DPY19L4: variants seen among roughly 807,000 people sequenced by gnomAD.
The protein encoded by DPY19L4 is dpy-19 like 4, also known as probable C-mannosyltransferase DPY19L4.
Under a neutral mutation model 102.8 loss-of-function variants are expected in DPY19L4, and 97 were observed. The observed-to-expected ratio is 0.94, with a 90% CI of 0.80 to 1.12. The LOEUF (loss-of-function observed/expected upper bound fraction) is 1.12. DPY19L4 is among the 50% of genes most tolerant of loss of function. The pLI is 0.00. For synonymous variants in DPY19L4, 252 were observed against 283.1 expected (o/e 0.89, Z 1.10); for missense variants, 815 against 850.4 (o/e 0.96, Z 0.52).
intron 1 of DPY19L4, chr8:94,720,325 G>A: frequency 1.1e-6 from 1 of 937,828 alleles, no homozygotes; most frequent in African/African-American, 1.8e-5. Context: ...CAGATTCTTG[G>A]TGAAGTGGGA....
At chr8:94,729,277 C>G (rs1810827978) in intron 2 of DPY19L4, among the ~76,000 whole-genome samples, 1 of 151,868 alleles carries the variant, frequency 6.6e-6, no homozygotes, top group South Asian at 2.1e-4. Flanking sequence ...GAGGCTGAGA[C>G]AGGAGAATCG....
intron 6 of DPY19L4, among the ~76,000 whole-genome samples, chr8:94,748,476 A>G (rs147744990): frequency 2.0e-5 from 3 of 152,072 alleles, no homozygotes; most frequent in African/African-American, 4.8e-5. Flanking sequence ...TTTCAAAAAA[A>G]TTTTTTGGGA....
At chr8:94,737,800 A>G (rs1226744985) in intron 3 of DPY19L4, among the ~76,000 whole-genome samples, 1 of 151,690 alleles carries the variant, frequency 6.6e-6, no homozygotes, top group Non-Finnish European at 1.5e-5. Flanking sequence ...ACAAAACAAA[A>G]CAAAACAAAA....
At chr8:94,758,776 C>G (rs1812273957) in intron 7 of DPY19L4, among the ~76,000 whole-genome samples, 1 of 151,524 alleles carries the variant, frequency 6.6e-6, no homozygotes. Flanking sequence ...GCTCTGTTGC[C>G]CAGGCTGGAG....
intron 17 of DPY19L4, among the ~76,000 whole-genome samples, chr8:94,786,826 G>A (rs765316485): frequency 5.3e-5 from 8 of 152,202 alleles, no homozygotes; most frequent in Non-Finnish European, 1.0e-4. Context: ...GGGATTACAG[G>A]CGTGAGACAC....
In DPY19L4 at chr8:94,785,242, A is replaced by C. The variant is rs531968798; in HGVS notation, c.1848+1440A>C. ...AATGTACAATGCCTGAAACACAGTAAAATTTTAAAGTTTGCTATTATGTTA... is the reference window on the plus strand; with the variant it reads ...AATGTACAATGCCTGAAACACAGTACAATTTTAAAGTTTGCTATTATGTTA... On this transcript the variant is annotated intron_variant, in intron 17 of 18. Coordinates refer to ENST00000414645, the MANE Select transcript of DPY19L4 (RefSeq NM_181787.3). Among the ~76,000 whole-genome samples the C allele has an allele frequency of 1.9e-4, 29 of 152,308 alleles. No homozygotes were observed. The South Asian group carries it at 2.5e-3, about 13-fold the overall frequency.
At chr8:94,729,297 G>A (rs1810830048) in intron 2 of DPY19L4, among the ~76,000 whole-genome samples, 1 of 151,816 alleles carries the variant, frequency 6.6e-6, no homozygotes, top group African/African-American at 2.4e-5. Flanking sequence ...GCTTGAACCT[G>A]GGAAGCGGAG....
At chr8:94,784,160 C>CT (rs1310812463) in intron 17 of DPY19L4, among the ~76,000 whole-genome samples, 3 of 152,120 alleles carry the variant, frequency 2.0e-5, no homozygotes, top group Non-Finnish European at 4.4e-5. Flanking sequence ...AGCGATTCTC[C>CT]TGCCTCCAAG....
At chr8:94,720,605 GA>G (rs1302372867) in intron 1 of DPY19L4, among the ~76,000 whole-genome samples, 1 of 152,210 alleles carries the variant, frequency 6.6e-6, no homozygotes, top group Non-Finnish European at 1.5e-5. Context: ...TTTGGGAGAT[GA>G]TGAGGCCAGG....
At position 94,792,584 on chromosome 8, in the gene DPY19L4, C is replaced by G. The variant is rs1813917812; in HGVS notation, c.*2674C>G. 6.6e-6 allele frequency: 1 copy of G among 151,498 alleles called. No individual in the cohort carries two copies. The highest frequency in any genetic ancestry group is 1.5e-5 in the Non-Finnish European group (1 of 67,964). The allele number at this position is 151,498 out of a possible 1,614,324, so 9.4% of individuals were successfully genotyped here. ...TAAAAGTAGAGATGGAGGCCAGGCG[C>G]AGTGGCTCACTCCTGTAATCCCAGC... On this transcript the variant is annotated 3_prime_UTR_variant, in exon 19 of 19. Coordinates refer to ENST00000414645, the MANE Select transcript of DPY19L4 (RefSeq NM_181787.3).
chr8:94,745,513 A>G (rs76344525), intron 6 of DPY19L4, among the ~76,000 whole-genome samples: 2,504 of 152,284 alleles, frequency 0.016, 61 homozygotes, highest in African/African-American at 0.056. Flanking sequence ...AATGGTAACA[A>G]TTAAGGAATA....
intron 13 of DPY19L4, among the ~76,000 whole-genome samples, chr8:94,777,292 C>G (rs1261615347): frequency 6.6e-6 from 1 of 152,066 alleles, no homozygotes; most frequent in East Asian, 1.9e-4. Context: ...GTCCCAAACT[C>G]CTGGCCTCAA....
At chr8:94,725,703 T>G (rs950913897) in intron 1 of DPY19L4, among the ~76,000 whole-genome samples, 1 of 152,204 alleles carries the variant, frequency 6.6e-6, no homozygotes, top group African/African-American at 2.4e-5. Flanking sequence ...TGGCACGATC[T>G]CGGCTCACTG....
chr8:94,763,058 C>T (rs1180503800), intron 8 of DPY19L4, among the ~76,000 whole-genome samples: 1 of 151,360 alleles, frequency 6.6e-6, no homozygotes, highest in Non-Finnish European at 1.5e-5. Flanking sequence ...AAGCGATTCT[C>T]CTGCCTTAGC....
intron 6 of DPY19L4, among the ~76,000 whole-genome samples, chr8:94,745,242 G>GA (rs1237156964): frequency 3.3e-5 from 5 of 152,072 alleles, no homozygotes; most frequent in Non-Finnish European, 7.4e-5. Context: ...CAGATAGGGG[G>GA]AAAAAATCAG....
At chr8:94,728,066 A>G (rs1249576990) in intron 2 of DPY19L4, among the ~76,000 whole-genome samples, 1 of 152,060 alleles carries the variant, frequency 6.6e-6, no homozygotes, top group Non-Finnish European at 1.5e-5. Flanking sequence ...GGTTCAAGCA[A>G]TTCTTGTGCC....
intron 11 of DPY19L4, among the ~76,000 whole-genome samples, chr8:94,767,353 G>T (rs1032080375): frequency 8.0e-5 from 12 of 150,602 alleles, no homozygotes; most frequent in Admixed American, 2.7e-4. Flanking sequence ...GAGTGCAGTG[G>T]CACGATCTCG....
At chr8:94,772,078 T>G (rs773072103) in intron 13 of DPY19L4, among the ~76,000 whole-genome samples, 14 of 152,184 alleles carry the variant, frequency 9.2e-5, no homozygotes, top group Admixed American at 1.3e-4. Flanking sequence ...TATTTTTAAG[T>G]CTTTAGTTTT....
At chr8:94,752,908 G>A (rs574767344) in intron 6 of DPY19L4, among the ~76,000 whole-genome samples, 1 of 150,668 alleles carries the variant, frequency 6.6e-6, no homozygotes, top group East Asian at 2.0e-4. Flanking sequence ...CTCGTGATCC[G>A]CCCACCTCGG....
Sources: allele counts gnomAD v4.1 joint callset (sites outside exome capture counted in the v4.1 genomes callset), GRCh38; gene constraint gnomAD v4.1.1; transcripts MANE v1.5; gene names NCBI Gene and HGNC (gene_info 2026-07-23, HGNC 2026-07-21).